Variants in XAB2 observed in about 807,000 individuals in gnomAD.
XAB2 encodes the protein XPA binding protein 2, also known as pre-mRNA-splicing factor SYF1.
Under a neutral mutation model 113.4 loss-of-function variants are expected in XAB2, and 57 were observed. The ratio of observed to expected loss-of-function variants is 0.50; its 90% CI spans 0.41 to 0.63. XAB2 has a LOEUF of 0.63. Ranked by LOEUF, XAB2 falls within the 20% of genes least tolerant of loss-of-function variation. XAB2 has a pLI of 0.00. For missense variants in XAB2, 1,037 were observed against 1,233.3 expected (o/e 0.84, Z 2.38); for synonymous variants, 497 against 498.8 (o/e 1.00, Z 0.05).
chr19:7,623,388 G>GTGGC lies in XAB2; in HGVS notation c.1120-103_1120-100dup, dbSNP rs1019760373. The GTGGC allele has an allele frequency of 5.7e-5, 86 of 1,502,498 alleles. No homozygotes were observed. The highest frequency in any genetic ancestry group is 7.6e-5 in the Non-Finnish European group (84 of 1,106,818). 93.1% of individuals were successfully genotyped at this position (1,502,498 alleles called of 1,614,324 possible). A position where few individuals can be genotyped will look rare whatever the true frequency, so the allele number is the denominator to read the frequency against. ...TGAGGGGTGGGGCCTGGAGGGTGCT[G>GTGGC]TGGCCCCTGTCGGGAGAGGCCAGAA... On this transcript the variant is annotated intron_variant, in intron 8 of 18. Coordinates refer to ENST00000358368, the MANE Select transcript of XAB2 (RefSeq NM_020196.3). This position sits in a 1 kb window ranked among gnomAD's most constrained non-coding sequence, Gnocchi z 4.6.
In XAB2 at chr19:7,622,315, C is replaced by T. The variant is rs367929289; in HGVS notation, c.1617+16G>A. On this transcript the variant is annotated intron_variant, in intron 12 of 18. Transcript: ENST00000358368. ...CACTGCCATCAGGGGCCTCTGGGTC[C>T]ACCCTAGCCCCTCACCTTGAAGCTC... The T allele has an allele frequency of 6.8e-6, 11 of 1,613,500 alleles. No individual in the cohort carries two copies. In the African/African-American group the frequency reaches 1.5e-4, roughly 21 times the overall value.
rs1371853105 is a variant in XAB2 at position 7,623,304 on chromosome 19, G to C, written c.1120-15C>G. The C allele has an allele frequency of 6.2e-7, 1 of 1,612,916 alleles. No homozygotes were observed. The highest frequency in any genetic ancestry group is 1.1e-5 in the South Asian group (1 of 91,082). The stretch of plus-strand genomic sequence containing the variant: ...GTGTTGATGATCTGGGGACAGGAGG[G>C]AGGAGGTCATATAGGACTCAGGACC... On this transcript the variant is annotated splice_polypyrimidine_tract_variant and intron_variant, in intron 8 of 18. Transcript: ENST00000358368. This position sits in a 1 kb window ranked among gnomAD's most constrained non-coding sequence, Gnocchi z 4.6.
Position 7,620,927 on chromosome 19 carries a change from G to C in XAB2, c.1890C>G (p.Asp630Glu), listed in dbSNP as rs1328688865. The change falls in exon 14 of 19, where the codon GAC (aspartate) becomes GAG (glutamate). Residue 630 changes from aspartate (D) to glutamate (E), a missense_variant. Coordinates refer to ENST00000358368, the MANE Select transcript of XAB2 (RefSeq NM_020196.3). ...CCCGCTTGATGTAGATGTTGAACATGTCATACTGCTGGGCGGGCTCCACGG... is the reference window on the plus strand; with the variant it reads ...CCCGCTTGATGTAGATGTTGAACATCTCATACTGCTGGGCGGGCTCCACGG... ...TRAVEPAQQY[D>E]MFNIYIKRAA... is the part of the protein sequence containing the mutation. 5.6e-6 allele frequency: 9 copies of C among 1,600,650 alleles called. No individual in the cohort carries two copies. The highest frequency in any genetic ancestry group is 7.7e-6 in the Non-Finnish European group (9 of 1,175,438).
In XAB2 at chr19:7,626,117, C is replaced by T. The variant is rs4134837; in HGVS notation, c.657+19G>A. 1.9e-3 allele frequency: 3,054 copies of T among 1,612,842 alleles called. 54 individuals carry two copies. In the African/African-American group the frequency reaches 0.036, roughly 19 times the overall value. ...GGGGGTGGCCCTCCCACCCAGTTGCCGGCTCCCGGCAGGCCCACCTGGTAG... is the reference window on the plus strand; with the variant it reads ...GGGGGTGGCCCTCCCACCCAGTTGCTGGCTCCCGGCAGGCCCACCTGGTAG... On this transcript the variant is annotated intron_variant, in intron 5 of 18. Transcript: ENST00000358368.
rs1484410113 is a variant in XAB2 at position 7,624,949 on chromosome 19, C to T, written c.823-504G>A. On this transcript the variant is annotated intron_variant, in intron 6 of 18. Transcript: ENST00000358368. The surrounding 1 kb of genome is among the most constrained non-coding windows in gnomAD (Gnocchi z 4.2). ...CTACCCAGCCCTGACGGGTCTTGCC[C>T]TGCTGCCTCCGACAGCCTTGGCCTA... Among the ~76,000 whole-genome samples, 1 of 152,228 alleles carries T rather than the reference C, an allele frequency of 6.6e-6. No individual in the cohort carries two copies. Among genetic ancestry groups the T allele is most frequent in the East Asian group, 1.9e-4 (1 of 5,188 alleles).
In XAB2 at chr19:7,622,632, G is replaced by T; in HGVS notation, c.1401C>A (p.Ala467=). 1 of 1,611,676 alleles carries T rather than the reference G, an allele frequency of 6.2e-7. No individual in the cohort carries two copies. Among genetic ancestry groups the T allele is most frequent in the Non-Finnish European group, 8.5e-7 (1 of 1,179,988 alleles). The change falls in exon 11 of 19, where the codon GCC becomes GCA. Residue 467 remains alanine, a synonymous_variant. Coordinates refer to ENST00000358368, the MANE Select transcript of XAB2 (RefSeq NM_020196.3). ...CGGGCTCTGAACCATCAAAGTACTC[G>T]GCCCGGCGGGCAGGCAGCGCCGTGG... ...RKATALPARR[A]EYFDGSEPVQ...
intron 4 of XAB2, 114 bp from the exon 5 acceptor site, chr19:7,626,384 A>G: frequency 6.8e-7 from 1 of 1,461,620 alleles, no homozygotes; most frequent in East Asian, 2.3e-5. Context: ...TCTTGGGCAA[A>G]AGCAAGCCCT....
chr19:7,627,578 G>A lies in XAB2; in HGVS notation c.325-138C>T, dbSNP rs563519049. 2 of 1,515,556 alleles carry A rather than the reference G, an allele frequency of 1.3e-6. No individual in the cohort carries two copies. The highest frequency in any genetic ancestry group is 2.5e-5 in the South Asian group (2 of 81,164). 93.9% of individuals were successfully genotyped at this position (1,515,556 alleles called of 1,614,324 possible). A position where few individuals can be genotyped will look rare whatever the true frequency, so the allele number is the denominator to read the frequency against. On this transcript the variant is annotated intron_variant, in intron 3 of 18. Coordinates refer to ENST00000358368, the MANE Select transcript of XAB2 (RefSeq NM_020196.3). The surrounding 1 kb of genome is among the most constrained non-coding windows in gnomAD (Gnocchi z 4.5). The stretch of plus-strand genomic sequence containing the variant: ...GGGACCCAGAAACCCCCAGCTCCAG[G>A]ACTGAGTCCAGCCCAACTTCCCATG...
chr19:7,627,991 G>T lies in XAB2; in HGVS notation c.201-140C>A. 3 of 1,476,022 alleles carry T rather than the reference G, an allele frequency of 2.0e-6. No homozygotes were observed. Among genetic ancestry groups the T allele is most frequent in the Admixed American group, 2.0e-5 (1 of 51,094 alleles). 91.4% of individuals were successfully genotyped at this position (1,476,022 alleles called of 1,614,324 possible). A position where few individuals can be genotyped will look rare whatever the true frequency, so the allele number is the denominator to read the frequency against. On this transcript the variant is annotated intron_variant, in intron 2 of 18. Transcript: ENST00000358368. The surrounding 1 kb of genome is among the most constrained non-coding windows in gnomAD (Gnocchi z 4.5). ...GTCTCAGCAATGACAGGGACAGACT[G>T]GGACATCAGAGAAGGTGTGCTGACC...
In XAB2 at chr19:7,624,237, C is replaced by T; in HGVS notation, c.967+64G>A. ...CAGGGCTGCCTCACCTGAGATGTGT[C>T]CCGCCCCTACCGCTAATGTCCACTC... On this transcript the variant is annotated intron_variant, in intron 7 of 18. Coordinates refer to ENST00000358368, the MANE Select transcript of XAB2 (RefSeq NM_020196.3). This position sits in a 1 kb window ranked among gnomAD's most constrained non-coding sequence, Gnocchi z 4.2. 1 of 1,601,084 alleles carries T rather than the reference C, an allele frequency of 6.2e-7. No individual in the cohort carries two copies. The highest frequency in any genetic ancestry group is 8.5e-7 in the Non-Finnish European group (1 of 1,179,022).
Position 7,621,043 on chromosome 19 carries a change from G to A in XAB2, c.1781-7C>T, listed in dbSNP as rs1163477442. On this transcript the variant is annotated splice_polypyrimidine_tract_variant and splice_region_variant and intron_variant, in intron 13 of 18. Transcript: ENST00000358368. ...GCGTACAGCAGGTACAAGGCTGGGC[G>A]GGGTAGGCGGGGAGAGGGGAGCACG... 1.9e-5 allele frequency: 30 copies of A among 1,544,170 alleles called. No individual in the cohort carries two copies. The highest frequency in any genetic ancestry group is 5.8e-5 in the Admixed American group (3 of 51,338).
At position 7,619,837 on chromosome 19, in the gene XAB2, C is replaced by A; in HGVS notation, c.2416G>T (p.Glu806Ter). The change falls in exon 18 of 19, where the codon GAG becomes TAG. Residue 806 changes from glutamate to a stop codon, truncating the protein, a stop_gained. Coordinates refer to ENST00000358368, the MANE Select transcript of XAB2 (RefSeq NM_020196.3). LOFTEE classifies it high-confidence loss of function. The stretch of plus-strand genomic sequence containing the variant: ...ACCTGCTGTGCCAGCTCTGCCAGCT[C>A]CTCCCGGGAGGCGTCACTCCTAGGG... ...LFVRSDASREELAELAQQVNP... is the reference protein window; with the variant it reads ...LFVRSDASRE 6.2e-7 allele frequency: 1 copy of A among 1,612,834 alleles called. No individual in the cohort carries two copies. The highest frequency in any genetic ancestry group is 8.5e-7 in the Non-Finnish European group (1 of 1,179,928).
chr19:7,627,585 T>G lies in XAB2; in HGVS notation c.324+143A>C. ...AGAAACCCCCAGCTCCAGGACTGAG[T>G]CCAGCCCAACTTCCCATGCAAAGAA... On this transcript the variant is annotated intron_variant, in intron 3 of 18. Coordinates refer to ENST00000358368, the MANE Select transcript of XAB2 (RefSeq NM_020196.3). This position sits in a 1 kb window ranked among gnomAD's most constrained non-coding sequence, Gnocchi z 4.5. 6.6e-7 allele frequency: 1 copy of G among 1,518,936 alleles called. No homozygotes were observed. The highest frequency in any genetic ancestry group is 2.3e-5 in the East Asian group (1 of 44,208). The allele number at this position is 1,518,936 out of a possible 1,614,324, so 94.1% of individuals were successfully genotyped here.
chr19:7,623,407 GC>G lies in XAB2; in HGVS notation c.1120-119del. Reference sequence around the variant, plus strand: ...GGTGCTGTGGCCCCTGTCGGGAGAGGCCAGAAACGAACTATGGCCCTTGACA... The same window carrying G: ...GGTGCTGTGGCCCCTGTCGGGAGAGGCAGAAACGAACTATGGCCCTTGACA... On this transcript the variant is annotated intron_variant, in intron 8 of 18. Coordinates refer to ENST00000358368, the MANE Select transcript of XAB2 (RefSeq NM_020196.3). The surrounding 1 kb of genome is among the most constrained non-coding windows in gnomAD (Gnocchi z 4.6). 1.5e-6 allele frequency: 2 copies of G among 1,371,272 alleles called. No individual in the cohort carries two copies. The highest frequency in any genetic ancestry group is 2.0e-6 in the Non-Finnish European group (2 of 1,002,100). The allele number at this position is 1,371,272 out of a possible 1,614,324, so 84.9% of individuals were successfully genotyped here. A position where few individuals can be genotyped will look rare whatever the true frequency, so the allele number is the denominator to read the frequency against.
Position 7,622,079 on chromosome 19 carries a change from G to A in XAB2, c.1617+252C>T, listed in dbSNP as rs191753818. 65 of 442,194 alleles carry A rather than the reference G, an allele frequency of 1.5e-4. No individual in the cohort carries two copies. In the East Asian group the frequency reaches 2.3e-3, roughly 15 times the overall value. 27.4% of individuals were successfully genotyped at this position (442,194 alleles called of 1,614,324 possible). The stretch of plus-strand genomic sequence containing the variant: ...CAAAAGTGACACACACAAAGAGAAG[G>A]CCACACAAAGACATAGGGAGAAGGC... On this transcript the variant is annotated intron_variant, in intron 12 of 18. Coordinates refer to ENST00000358368, the MANE Select transcript of XAB2 (RefSeq NM_020196.3).
chr19:7,626,874 T>TC (rs1342275721), intron 4 of XAB2, among the ~76,000 whole-genome samples: 2 of 152,156 alleles, frequency 1.3e-5, no homozygotes, highest in African/African-American at 4.8e-5. Flanking sequence ...GGCTGGTGCT[T>TC]CCACTCTCCA....
At chr19:7,629,017 G>A (rs2031201489) in intron 1 of XAB2, among the ~76,000 whole-genome samples, 1 of 152,138 alleles carries the variant, frequency 6.6e-6, no homozygotes, top group Admixed American at 6.5e-5. Context: ...CACATCACCA[G>A]GGTTCTTCTA....
At position 7,628,658 on chromosome 19, in the gene XAB2, C is replaced by T. The variant is rs1430316510; in HGVS notation, c.52-360G>A. On this transcript the variant is annotated intron_variant, in intron 1 of 18. Coordinates refer to ENST00000358368, the MANE Select transcript of XAB2 (RefSeq NM_020196.3). This position sits in a 1 kb window ranked among gnomAD's most constrained non-coding sequence, Gnocchi z 4.6. ...CCAGATGCCAGTCCTGGACACCAGA[C>T]CCCACTTCTTCAAAACGTGCCTCTT... 1.3e-5 allele frequency among the ~76,000 whole-genome samples: 2 copies of T among 152,150 alleles called. No homozygotes were observed. The highest frequency in any genetic ancestry group is 4.8e-5 in the African/African-American group (2 of 41,426).
rs201771835 is a variant in XAB2 at position 7,621,019 on chromosome 19, C to T, written c.1798G>A (p.Ala600Thr). The T allele has an allele frequency of 6.4e-5, 100 of 1,557,378 alleles. No individual in the cohort carries two copies. The highest frequency in any genetic ancestry group is 3.4e-5 in the Non-Finnish European group (39 of 1,152,548). ...KYAKTLYLLY[A>T]QLEEEWGLAR... ...AGGCCCCACTCCTCCTCCAGCTGTG[C>T]GTACAGCAGGTACAAGGCTGGGCGG... The change falls in exon 14 of 19, where the codon GCA (alanine) becomes ACA (threonine). Residue 600 changes from alanine to threonine, a missense_variant. Physicochemically the swap from Ala to Thr is moderately conservative, Grantham distance 58. Transcript: ENST00000358368.
Sources: gnomAD v4.1 joint callset for allele counts (sites outside exome capture counted in the v4.1 genomes callset) on GRCh38, gnomAD v4.1.1 for gene constraint, Gnocchi (gnomAD v3.1) non-coding constraint, MANE v1.5 for transcripts, NCBI Gene and HGNC (gene_info 2026-07-23, HGNC 2026-07-21) for gene names.